CSMD1: variants seen among roughly 807,000 people sequenced by gnomAD.
The protein encoded by CSMD1 is CUB and sushi domain-containing protein 1.
A neutral mutation model predicts 417.5 loss-of-function variants in CSMD1; 213 were observed. The ratio of observed to expected loss-of-function variants is 0.51; its 90% CI spans 0.46 to 0.57. The LOEUF is 0.57. Ranked by LOEUF, CSMD1 falls within the 20% of genes least tolerant of loss-of-function variation. CSMD1 has a pLI of 0.00. For synonymous variants in CSMD1, 2,862 were observed against 1,736.8 expected, an observed-to-expected ratio of 1.65 and a Z score of -16.11; for missense variants, 6,923 against 4,529.7, an observed-to-expected ratio of 1.53 and a Z score of -15.17.
intron 1 of CSMD1, among the ~76,000 whole-genome samples, chr8:4,819,034 G>T (rs932401598): frequency 5.3e-5 from 8 of 152,068 alleles, no homozygotes; most frequent in Non-Finnish European, 1.0e-4. Context: ...GGAATAAATG[G>T]CTTGGAAGAC....
chr8:4,635,679 A>T (rs1433839636), intron 2 of CSMD1, among the ~76,000 whole-genome samples: 1 of 152,114 alleles, frequency 6.6e-6, no homozygotes, highest in Non-Finnish European at 1.5e-5. Flanking sequence ...TTACCATTAT[A>T]ATACACTACT....
At chr8:3,945,051 T>C (rs533399067) in intron 5 of CSMD1, among the ~76,000 whole-genome samples, 1 of 152,246 alleles carries the variant, frequency 6.6e-6, no homozygotes, top group South Asian at 2.1e-4. Context: ...GAGAGCTCTA[T>C]AATCCCTCAT....
chr8:4,437,886 G>T (rs1434294149), intron 2 of CSMD1, among the ~76,000 whole-genome samples: 1 of 151,836 alleles, frequency 6.6e-6, no homozygotes, highest in Non-Finnish European at 1.5e-5. Context: ...AATTCAAGTG[G>T]TCTCACCTGA....
chr8:4,761,293 A>C (rs997535831), intron 1 of CSMD1, among the ~76,000 whole-genome samples: 2 of 152,110 alleles, frequency 1.3e-5, no homozygotes, highest in African/African-American at 4.8e-5. Flanking sequence ...AAAATGCACA[A>C]GGGATTTTGA....
intron 3 of CSMD1, among the ~76,000 whole-genome samples, chr8:4,055,821 T>A (rs1208214103): frequency 6.6e-6 from 1 of 151,082 alleles, no homozygotes; most frequent in African/African-American, 2.5e-5. Context: ...AGCAGAAGTG[T>A]TGATTTTACA....
At chr8:4,895,135 T>C (rs1404980534) in intron 1 of CSMD1, among the ~76,000 whole-genome samples, 1 of 152,194 alleles carries the variant, frequency 6.6e-6, no homozygotes, top group Non-Finnish European at 1.5e-5. Context: ...AAAATACATT[T>C]GATTTACATT....
At chr8:3,894,087 C>G (rs1009390620) in intron 5 of CSMD1, among the ~76,000 whole-genome samples, 3 of 152,188 alleles carry the variant, frequency 2.0e-5, no homozygotes, top group Admixed American at 6.5e-5. Flanking sequence ...CGTTAATTGT[C>G]TCTTTCACGG....
In CSMD1 at chr8:3,243,148, G is replaced by T. The variant is rs147456603; in HGVS notation, c.4154-12917C>A. On this transcript the variant is annotated intron_variant, in intron 26 of 69. Coordinates refer to ENST00000635120, the MANE Select transcript of CSMD1 (RefSeq NM_033225.6). ...GGTTGAGGGATAGTGAGGGAGGTTG[G>T]AGAAGAGAGTAAGAGGCCGCTTACC... 5.8e-3 allele frequency among the ~76,000 whole-genome samples: 887 copies of T among 152,262 alleles called. 11 individuals are homozygous for T. Among genetic ancestry groups the T allele is most frequent in the African/African-American group, 0.02 (831 of 41,558 alleles).
At chr8:4,508,425 G>C (rs1802646420) in intron 2 of CSMD1, among the ~76,000 whole-genome samples, 1 of 152,142 alleles carries the variant, frequency 6.6e-6, no homozygotes, top group Non-Finnish European at 1.5e-5. Flanking sequence ...ATGCTTCAAA[G>C]TCAACCCACT....
intron 5 of CSMD1, among the ~76,000 whole-genome samples, chr8:3,952,814 T>C (rs1811678607): frequency 6.6e-6 from 1 of 152,226 alleles, no homozygotes; most frequent in Non-Finnish European, 1.5e-5. Context: ...CTCTCATTAA[T>C]CAAAGAAATA....
At chr8:3,797,126 G>A (rs930654624) in intron 5 of CSMD1, among the ~76,000 whole-genome samples, 1 of 151,976 alleles carries the variant, frequency 6.6e-6, no homozygotes, top group South Asian at 2.1e-4. Flanking sequence ...AAATAATGAA[G>A]TATACTAATA....
chr8:4,191,860 G>A (rs571170837), intron 3 of CSMD1, among the ~76,000 whole-genome samples: 2 of 151,844 alleles, frequency 1.3e-5, no homozygotes, highest in African/African-American at 4.8e-5. Context: ...TCAGTTTCCA[G>A]ACCTCAGCAA....
At chr8:3,707,718 G>C (rs777368229) in intron 7 of CSMD1, among the ~76,000 whole-genome samples, 1 of 152,186 alleles carries the variant, frequency 6.6e-6, no homozygotes, top group Non-Finnish European at 1.5e-5. Context: ...GGAGCACATA[G>C]GCTGTTGGCT....
At chr8:4,429,327 C>T (rs918171674) in intron 2 of CSMD1, among the ~76,000 whole-genome samples, 7 of 152,090 alleles carry the variant, frequency 4.6e-5, no homozygotes, top group African/African-American at 1.4e-4. Context: ...AAGAGCTTTA[C>T]ATGTGTATAT....
intron 26 of CSMD1, among the ~76,000 whole-genome samples, chr8:3,241,129 T>C (rs774462081): frequency 1.2e-4 from 18 of 151,614 alleles, no homozygotes; most frequent in Middle Eastern, 3.4e-3. Flanking sequence ...GGCAATGAGA[T>C]GTAGCTGTAG....
chr8:3,593,929 G>C (rs1367146271), intron 8 of CSMD1, among the ~76,000 whole-genome samples: 1 of 152,042 alleles, frequency 6.6e-6, no homozygotes, highest in Non-Finnish European at 1.5e-5. Context: ...CGTAGAATCA[G>C]TTATATGGGG....
At chr8:3,886,800 G>C (rs931754368) in intron 5 of CSMD1, among the ~76,000 whole-genome samples, 1 of 152,158 alleles carries the variant, frequency 6.6e-6, no homozygotes, top group Admixed American at 6.5e-5. Context: ...GATTACAGAA[G>C]GAAGGAGGGT....
At chr8:3,760,332 A>G (rs1425876789) in intron 5 of CSMD1, among the ~76,000 whole-genome samples, 1 of 152,190 alleles carries the variant, frequency 6.6e-6, no homozygotes, top group Admixed American at 6.5e-5. Flanking sequence ...TTTCCTTCAG[A>G]GGATTCAACT....
intron 1 of CSMD1, among the ~76,000 whole-genome samples, chr8:4,900,039 G>T (rs570472434): frequency 6.6e-6 from 1 of 152,030 alleles, no homozygotes; most frequent in Non-Finnish European, 1.5e-5. Context: ...CTCAAAATAC[G>T]ACGTTTTTGC....
Sources: allele counts gnomAD v4.1 joint callset (sites outside exome capture counted in the v4.1 genomes callset), GRCh38; gene constraint gnomAD v4.1.1; transcripts MANE v1.5; gene names NCBI Gene and HGNC (gene_info 2026-07-23, HGNC 2026-07-21).